The following GNG4 variants were observed in gnomAD, a reference collection of about 807,000 sequenced individuals.
The protein encoded by GNG4 is G protein subunit gamma 4.
In GNG4, 4 loss-of-function variants were observed where a neutral mutation model predicts 5.8. The observed-to-expected ratio is 0.69, with a 90% CI of 0.34 to 1.57. GNG4 has a LOEUF of 1.57. Among genes scored for constraint, GNG4 ranks in the 40% most tolerant of loss-of-function variants. The probability of loss-of-function intolerance (pLI) is 0.06; values close to 1 mark genes in which losing one functional copy is unlikely to be tolerated. For synonymous variants in GNG4, 29 were observed against 32.9 expected, an observed-to-expected ratio of 0.88 and a Z score of 0.41; for missense variants, 96 against 95.1, an observed-to-expected ratio of 1.01 and a Z score of -0.04.
intron 2 of GNG4, among the ~76,000 whole-genome samples, chr1:235,589,154 T>C (rs1322997100): frequency 1.3e-5 from 2 of 152,140 alleles, no homozygotes; most frequent in Non-Finnish European, 1.5e-5. Flanking sequence ...AGCCATAACA[T>C]CGGAAGGCTC....
chr1:235,604,293 G>A (rs1025955803), intron 1 of GNG4, among the ~76,000 whole-genome samples: 18 of 152,266 alleles, frequency 1.2e-4, no homozygotes, highest in African/African-American at 4.1e-4. Context: ...CTCTACTGAA[G>A]TGGGCAGATC....
chr1:235,574,657 T>C (rs1687430543), intron 3 of GNG4, among the ~76,000 whole-genome samples: 1 of 152,204 alleles, frequency 6.6e-6, no homozygotes, highest in African/African-American at 2.4e-5. Flanking sequence ...AACTTTTGTG[T>C]CCTTGCATTT....
intron 1 of GNG4, chr1:235,615,847 G>T: frequency 3.7e-6 from 1 of 271,844 alleles, no homozygotes; most frequent in South Asian, 4.8e-5. Flanking sequence ...CATGATGGAT[G>T]GGAAGGTCGT....
At chr1:235,565,365 G>T (rs778638631) in intron 3 of GNG4, among the ~76,000 whole-genome samples, 47 of 152,136 alleles carry the variant, frequency 3.1e-4, no homozygotes, top group Non-Finnish European at 5.3e-4. Flanking sequence ...GCCGGGCATG[G>T]TGGTGATGGG....
chr1:235,573,398 C>A (rs1214573878), intron 3 of GNG4, among the ~76,000 whole-genome samples: 3 of 151,660 alleles, frequency 2.0e-5, no homozygotes, highest in East Asian at 3.9e-4. Context: ...GGGTGCAGCA[C>A]ACCAAATATG....
intron 1 of GNG4, among the ~76,000 whole-genome samples, chr1:235,598,241 A>T (rs562051416): frequency 6.6e-6 from 1 of 152,358 alleles, no homozygotes; most frequent in Non-Finnish European, 1.5e-5. Context: ...AGATTATGAT[A>T]AAACCACTGC....
intron 1 of GNG4, chr1:235,616,406 G>A: frequency 3.5e-6 from 1 of 286,202 alleles, no homozygotes; most frequent in Non-Finnish European, 6.9e-6. Context: ...GTAGGGCCCT[G>A]CCAGGAGCCT....
chr1:235,610,710 G>A (rs1006701667), intron 1 of GNG4, among the ~76,000 whole-genome samples: 1 of 152,108 alleles, frequency 6.6e-6, no homozygotes, highest in South Asian at 2.1e-4. Context: ...CTAGAAAAAG[G>A]CTCCTGTTTC....
intron 3 of GNG4, among the ~76,000 whole-genome samples, chr1:235,560,784 C>T (rs1237322991): frequency 1.3e-5 from 2 of 152,096 alleles, no homozygotes; most frequent in Admixed American, 6.6e-5. Flanking sequence ...TCATTTAATC[C>T]GAAGCATTTT....
intron 3 of GNG4, among the ~76,000 whole-genome samples, chr1:235,581,484 A>G (rs1008661166): frequency 5.9e-5 from 9 of 151,500 alleles, no homozygotes; most frequent in South Asian, 2.1e-4. Flanking sequence ...AGCCGAGATC[A>G]CACCTGGGCG....
upstream of GNG4, chr1:235,650,106 C>T (rs911386187): frequency 8.6e-5 from 13 of 150,780 alleles, no homozygotes; most frequent in Admixed American, 6.6e-4. Context: ...CGCCCCCGCC[C>T]CCGCCCCAGC....
At chr1:235,570,923 T>TACACATACACACAC (rs374579255) in intron 3 of GNG4, among the ~76,000 whole-genome samples, 3 of 97,346 alleles carry the variant, frequency 3.1e-5, no homozygotes, top group African/African-American at 1.2e-4. Flanking sequence ...CATATATATA[T>TACACATACACACAC]ACACACACAC....
chr1:235,566,933 T>C (rs1281807761), intron 3 of GNG4: 1 of 149,438 alleles, frequency 6.7e-6, no homozygotes, highest in African/African-American at 2.6e-5. Flanking sequence ...TTGAAAGCAG[T>C]TTTTTTAAAG....
intron 1 of GNG4, among the ~76,000 whole-genome samples, chr1:235,638,945 A>G (rs7522723): frequency 0.53 from 79,981 of 151,924 alleles, 23,489 homozygotes; most frequent in East Asian, 0.85. Flanking sequence ...TTGCTATTGT[A>G]AATAGTGCTG....
chr1:235,589,367 C>T (rs1013927496), intron 2 of GNG4, among the ~76,000 whole-genome samples: 2 of 152,220 alleles, frequency 1.3e-5, no homozygotes, highest in South Asian at 4.2e-4. Context: ...GAGAGTCGGC[C>T]ATGCAGCTAT....
intron 2 of GNG4, among the ~76,000 whole-genome samples, chr1:235,591,753 A>G (rs1042112311): frequency 1.3e-5 from 2 of 152,184 alleles, no homozygotes; most frequent in African/African-American, 4.8e-5. Context: ...GGCAAGGGGG[A>G]AAAGGGACCA....
Position 235,644,409 on chromosome 1 carries a change from T to C in GNG4, c.-123+5253A>G, listed in dbSNP as rs1393754720. Among the ~76,000 whole-genome samples the C allele has an allele frequency of 6.6e-6, 1 of 151,906 alleles. No homozygotes were observed. The highest frequency in any genetic ancestry group is 1.5e-5 in the Non-Finnish European group (1 of 67,952). On this transcript the variant is annotated intron_variant, in intron 1 of 3. Coordinates refer to ENST00000391854, the MANE Select transcript of GNG4 (RefSeq NM_001098722.2). The surrounding 1 kb of genome is among the most constrained non-coding windows in gnomAD (Gnocchi z 5.9). ...TCCTCGGCCACCTCCACACCCACAC[T>C]CCAGGCCCACCACTGCCCTTGGGCA...
At chr1:235,645,778 CAA>C (rs907918007) in intron 1 of GNG4, among the ~76,000 whole-genome samples, 8 of 98,622 alleles carry the variant, frequency 8.1e-5, no homozygotes, top group East Asian at 7.9e-4. Context: ...GCCTGGGAGA[CAA>C]GAGGGAAACT....
intron 3 of GNG4, among the ~76,000 whole-genome samples, chr1:235,554,498 G>A (rs1008940643): frequency 3.5e-4 from 53 of 152,166 alleles, no homozygotes; most frequent in Admixed American, 2.0e-4. Context: ...GTCCTCTTGG[G>A]TTTGCTAAGT....
Sources: gnomAD v4.1 joint callset for allele counts (sites outside exome capture counted in the v4.1 genomes callset) on GRCh38, gnomAD v4.1.1 for gene constraint, Gnocchi (gnomAD v3.1) non-coding constraint, MANE v1.5 for transcripts, NCBI Gene and HGNC (gene_info 2026-07-23, HGNC 2026-07-21) for gene names.